Variants in ARHGEF10L observed in about 807,000 individuals in gnomAD.
ARHGEF10L encodes Rho guanine nucleotide exchange factor 10 like.
In ARHGEF10L, 69 loss-of-function variants were observed where a neutral mutation model predicts 141.2. The observed-to-expected ratio is 0.49, with a 90% CI of 0.40 to 0.60. The LOEUF is 0.60. ARHGEF10L is among the 20% of genes least tolerant of loss of function. The pLI is 0.00. For missense variants in ARHGEF10L, 1,482 were observed against 1,734.3 expected (o/e 0.85, Z 2.58); for synonymous variants, 711 against 718.5 (o/e 0.99, Z 0.17).
the ARHGEF10L span, among the ~76,000 whole-genome samples, chr1:17,513,607 A>G: frequency 8.5e-4 from 130 of 152,320 alleles, no homozygotes; most frequent in Non-Finnish European, 1.6e-3. Flanking sequence ...GTTTTCAACC[A>G]TGGAGGGCCA....
At chr1:17,569,426 C>CT (rs2077897558) in intron 1 of ARHGEF10L, among the ~76,000 whole-genome samples, 3 of 152,212 alleles carry the variant, frequency 2.0e-5, no homozygotes, top group African/African-American at 7.2e-5. Context: ...GCTGGGCTTG[C>CT]ATTTCAGGAG....
chr1:17,561,365 G>A (rs1012099531), intron 1 of ARHGEF10L, among the ~76,000 whole-genome samples: 15 of 152,226 alleles, frequency 9.9e-5, no homozygotes, highest in Non-Finnish European at 2.1e-4. Context: ...GCTCCACAGT[G>A]GGGGCACTGG....
chr1:17,616,793 GAGGCAC>G (rs2059832224), intron 9 of ARHGEF10L, among the ~76,000 whole-genome samples: 1 of 152,220 alleles, frequency 6.6e-6, no homozygotes, highest in Non-Finnish European at 1.5e-5. Flanking sequence ...AGGGAAGGAG[GAGGCAC>G]AGGTCACCAG....
chr1:17,539,260 G>T (rs1041759052), upstream of ARHGEF10L, among the ~76,000 whole-genome samples: 4 of 152,226 alleles, frequency 2.6e-5, no homozygotes, highest in African/African-American at 9.6e-5. The surrounding 1 kb of genome is among the most constrained non-coding windows in gnomAD (Gnocchi z 6.0). Flanking sequence ...CTGGTTGAGG[G>T]GCAGGTCATA....
chr1:17,515,121 G>A, the ARHGEF10L span, among the ~76,000 whole-genome samples: 1 of 152,078 alleles, frequency 6.6e-6, no homozygotes, highest in Admixed American at 6.6e-5. Flanking sequence ...TGAAATTGGT[G>A]GTTGTGAACA....
chr1:17,666,257 G>C (rs1462319018), intron 26 of ARHGEF10L, among the ~76,000 whole-genome samples: 3 of 152,234 alleles, frequency 2.0e-5, no homozygotes, highest in Non-Finnish European at 4.4e-5. Context: ...CTCTCATGGA[G>C]TGAGATGATG....
the ARHGEF10L span, among the ~76,000 whole-genome samples, chr1:17,514,964 G>A: frequency 6.6e-6 from 1 of 152,154 alleles, no homozygotes; most frequent in African/African-American, 2.4e-5. Context: ...TTGAGGGAGC[G>A]ACTTGTTCCC....
At chr1:17,663,539 G>A (rs1441280503) in intron 25 of ARHGEF10L, among the ~76,000 whole-genome samples, 1 of 149,726 alleles carries the variant, frequency 6.7e-6, no homozygotes, top group Non-Finnish European at 1.5e-5. Context: ...GGGAGACAGA[G>A]TGAGATTCTG....
chr1:17,613,185 T>C lies in ARHGEF10L; in HGVS notation c.726+11T>C, dbSNP rs1433307421. 3.1e-6 allele frequency: 5 copies of C among 1,606,092 alleles called. No individual in the cohort carries two copies. The highest frequency in any genetic ancestry group is 4.3e-6 in the Non-Finnish European group (5 of 1,173,466). The stretch of plus-strand genomic sequence containing the variant: ...AAGTACGATTGTAAGGTATTGTCTG[T>C]CTGTCCCCTCAAGCCCTGGATGGGG... On this transcript the variant is annotated intron_variant, in intron 8 of 28. Coordinates refer to ENST00000361221, the MANE Select transcript of ARHGEF10L (RefSeq NM_018125.4).
chr1:17,609,324 T>C (rs890702684), intron 7 of ARHGEF10L, among the ~76,000 whole-genome samples: 7 of 152,136 alleles, frequency 4.6e-5, no homozygotes, highest in African/African-American at 1.7e-4. Context: ...ACTGAGCAGG[T>C]CTCTCTCAGC....
chr1:17,596,207 G>A (rs1388017245), intron 4 of ARHGEF10L, among the ~76,000 whole-genome samples: 1 of 152,260 alleles, frequency 6.6e-6, no homozygotes, highest in African/African-American at 2.4e-5. Flanking sequence ...CGCCAAGCCA[G>A]ATGCTCTCTA....
At chr1:17,584,185 C>CT (rs2078830863) in intron 2 of ARHGEF10L, among the ~76,000 whole-genome samples, 1 of 151,836 alleles carries the variant, frequency 6.6e-6, no homozygotes, top group African/African-American at 2.4e-5. Flanking sequence ...GCTGGGACTA[C>CT]AGGTGTATGC....
Position 17,640,204 on chromosome 1 carries a change from C to T in ARHGEF10L, c.2174C>T (p.Ser725Phe). The change falls in exon 21 of 29, where the codon TCC (serine) becomes TTC (phenylalanine). Residue 725 changes from serine to phenylalanine, a missense_variant and splice_region_variant. By Grantham distance (155) the Ser-to-Phe change is radical. This residue lies in a region of ARHGEF10L where 858 missense variants were observed against 966.3 expected (regional missense o/e 0.89). Transcript: ENST00000361221. ...CACTCTAACCCTTCTCACCACAGGT[C>T]CGGCCGCCCCATTAGCTTCATGGTG... ...RLLLPGKPDKSGRPISFMVVF... is the reference protein window; with the variant it reads ...RLLLPGKPDKFGRPISFMVVF... 1 of 1,610,528 alleles carries T rather than the reference C, an allele frequency of 6.2e-7. No homozygotes were observed. Among genetic ancestry groups the T allele is most frequent in the Non-Finnish European group, 8.5e-7 (1 of 1,178,156 alleles).
In ARHGEF10L at chr1:17,654,597, T is replaced by A; in HGVS notation, c.2395-39T>A. The A allele has an allele frequency of 6.3e-7, 1 of 1,583,832 alleles. No homozygotes were observed. Among genetic ancestry groups the A allele is most frequent in the Non-Finnish European group, 8.7e-7 (1 of 1,152,424 alleles). On this transcript the variant is annotated intron_variant, in intron 22 of 28. Coordinates refer to ENST00000361221, the MANE Select transcript of ARHGEF10L (RefSeq NM_018125.4). This position sits in a 1 kb window ranked among gnomAD's most constrained non-coding sequence, Gnocchi z 4.3. ...GCCAAATATTGGCATCTGGGCACCT[T>A]GATGATTAACCTCACATGTACCGTC... is the stretch of plus-strand genomic sequence containing the variant.
chr1:17,568,980 G>C (rs1007506944), intron 1 of ARHGEF10L, among the ~76,000 whole-genome samples: 17 of 152,214 alleles, frequency 1.1e-4, no homozygotes, highest in African/African-American at 3.9e-4. Flanking sequence ...TTAATTGCAA[G>C]GGAGTGGGAT....
upstream of ARHGEF10L, among the ~76,000 whole-genome samples, chr1:17,539,435 C>T (rs2076635668): frequency 6.6e-6 from 1 of 152,052 alleles, no homozygotes; most frequent in Non-Finnish European, 1.5e-5. The surrounding 1 kb of genome is among the most constrained non-coding windows in gnomAD (Gnocchi z 6.0). Flanking sequence ...GTGGGGACCC[C>T]GGGGTAGGTG....
At chr1:17,579,766 A>G (rs888426107) in intron 1 of ARHGEF10L, among the ~76,000 whole-genome samples, 1 of 152,138 alleles carries the variant, frequency 6.6e-6, no homozygotes, top group Admixed American at 6.5e-5. Context: ...CAAGATGTCT[A>G]GGAGGACAGC....
rs559789259 is a variant in ARHGEF10L at position 17,625,930 on chromosome 1, G to A, written c.1318-26G>A. On this transcript the variant is annotated intron_variant, in intron 13 of 28. Coordinates refer to ENST00000361221, the MANE Select transcript of ARHGEF10L (RefSeq NM_018125.4). This position sits in a 1 kb window ranked among gnomAD's most constrained non-coding sequence, Gnocchi z 4.5. Reference sequence around the variant, plus strand: ...TGGGCCCTCTCTGCAGGGGGTCAGCGAATGACGGAACCTTGTCTCCACCAG... The same window carrying A: ...TGGGCCCTCTCTGCAGGGGGTCAGCAAATGACGGAACCTTGTCTCCACCAG... 3 of 1,609,862 alleles carry A rather than the reference G, an allele frequency of 1.9e-6. No homozygotes were observed. The highest frequency in any genetic ancestry group is 2.7e-5 in the African/African-American group (2 of 74,908).
intron 25 of ARHGEF10L, among the ~76,000 whole-genome samples, chr1:17,657,902 C>T (rs996750954): frequency 5.3e-5 from 8 of 152,200 alleles, no homozygotes; most frequent in Admixed American, 2.6e-4. Flanking sequence ...TCTTACTGCT[C>T]GATTCACCAG....
Sources: allele counts gnomAD v4.1 joint callset (sites outside exome capture counted in the v4.1 genomes callset), GRCh38; gene constraint gnomAD v4.1.1; regional missense constraint gnomAD v4.1.1; non-coding constraint Gnocchi (gnomAD v3.1); transcripts MANE v1.5; gene names NCBI Gene and HGNC (gene_info 2026-07-23, HGNC 2026-07-21).